CRTAC1: variants seen among roughly 807,000 people sequenced by gnomAD.
CRTAC1 encodes cartilage acidic protein 1.
Under a neutral mutation model 67.8 loss-of-function variants are expected in CRTAC1, and 37 were observed. The observed-to-expected ratio is 0.55, with a 90% CI of 0.42 to 0.72. CRTAC1 has a LOEUF of 0.72. CRTAC1 is among the 30% of genes least tolerant of loss of function. The pLI is 0.00. For missense variants in CRTAC1, 780 were observed against 931.6 expected (o/e 0.84, Z 2.12); for synonymous variants, 348 against 371.0 (o/e 0.94, Z 0.71).
At chr10:98,027,531 C>T (rs1018475631) in intron 1 of CRTAC1, among the ~76,000 whole-genome samples, 1 of 152,154 alleles carries the variant, frequency 6.6e-6, no homozygotes, top group African/African-American at 2.4e-5. Context: ...TCCAAGACCA[C>T]AGTGAGGGAC....
At chr10:97,991,125 A>AAAAAAAAAAAAAAG (rs1842446863) in intron 2 of CRTAC1, among the ~76,000 whole-genome samples, 1 of 136,286 alleles carries the variant, frequency 7.3e-6, no homozygotes, top group African/African-American at 3.4e-5. Flanking sequence ...AAAAAAAAAA[A>AAAAAAAAAAAAAAG]AAGATTATCT....
chr10:97,936,685 A>G (rs1306386229), intron 2 of CRTAC1, among the ~76,000 whole-genome samples: 1 of 152,168 alleles, frequency 6.6e-6, no homozygotes, highest in Non-Finnish European at 1.5e-5. Context: ...AAAACAAAGA[A>G]CTTCCTGATG....
At chr10:98,000,219 T>A (rs1054500346) in intron 2 of CRTAC1, among the ~76,000 whole-genome samples, 2 of 152,186 alleles carry the variant, frequency 1.3e-5, no homozygotes, top group Non-Finnish European at 2.9e-5. Flanking sequence ...AACATGCCCC[T>A]TGCTCTCTAT....
chr10:98,018,484 G>T (rs1047017252), intron 1 of CRTAC1, among the ~76,000 whole-genome samples: 11 of 152,156 alleles, frequency 7.2e-5, no homozygotes, highest in African/African-American at 2.4e-4. Context: ...GAGCTGAAAG[G>T]TGAGATAGTC....
intron 2 of CRTAC1, among the ~76,000 whole-genome samples, chr10:97,938,583 C>A (rs1033965084): frequency 6.6e-6 from 1 of 152,184 alleles, no homozygotes; most frequent in African/African-American, 2.4e-5. Context: ...GCCTATGATG[C>A]CAGCACTCTC....
rs940643647 is a variant in CRTAC1, at chr10:97,865,325, G to A, written c.*223C>T. On this transcript the variant is annotated 3_prime_UTR_variant, in exon 15 of 15. Transcript: ENST00000370597. ...TCATTAGACCCACTGGAATGTAAGC[G>A]CCATCAGGGCAGCGACCCTGTCTGC... 4.1e-5 allele frequency: 19 copies of A among 464,528 alleles called. No individual in the cohort carries two copies. The highest frequency in any genetic ancestry group is 1.4e-4 in the African/African-American group (7 of 51,408). The allele number at this position is 464,528 out of a possible 1,614,324, so 28.8% of individuals were successfully genotyped here.
chr10:97,959,648 C>A (rs555937616), intron 2 of CRTAC1, among the ~76,000 whole-genome samples: 3 of 152,316 alleles, frequency 2.0e-5, no homozygotes, highest in Admixed American at 1.3e-4. Flanking sequence ...CCCTGCCACT[C>A]GGCCATGTGG....
At chr10:98,003,474 G>A (rs758087880) in intron 2 of CRTAC1, among the ~76,000 whole-genome samples, 12 of 152,128 alleles carry the variant, frequency 7.9e-5, no homozygotes, top group East Asian at 1.9e-4. Context: ...CACATTCCTC[G>A]GCTCTTGGCC....
At chr10:98,027,206 C>T (rs1843253985) in intron 1 of CRTAC1, among the ~76,000 whole-genome samples, 1 of 151,702 alleles carries the variant, frequency 6.6e-6, no homozygotes, top group African/African-American at 2.4e-5. Flanking sequence ...CGCCCACAGG[C>T]CACTCAGCAA....
chr10:97,891,735 G>A (rs554439475), intron 11 of CRTAC1, among the ~76,000 whole-genome samples: 10 of 152,214 alleles, frequency 6.6e-5, no homozygotes, highest in South Asian at 6.2e-4. Flanking sequence ...CTCCACTGGC[G>A]CCCTCGCTCC....
At chr10:98,018,075 G>A (rs765506118) in intron 1 of CRTAC1, among the ~76,000 whole-genome samples, 15 of 151,298 alleles carry the variant, frequency 9.9e-5, no homozygotes, top group Admixed American at 3.3e-4. Context: ...AAGGGGCACC[G>A]CCTGTAATCC....
In CRTAC1 at chr10:97,896,996, A is replaced by T. The variant is rs2050470472; in HGVS notation, c.1134-5T>A. On this transcript the variant is annotated splice_polypyrimidine_tract_variant and splice_region_variant and intron_variant, in intron 8 of 14. Transcript: ENST00000370597. ...CCGTGCTCTCTACGGATGACGCTGC[A>T]GGAGAGGAGACAGGCTTGCTCTGGT... The T allele has an allele frequency of 1.3e-6, 2 of 1,553,256 alleles. No individual in the cohort carries two copies. Among genetic ancestry groups the T allele is most frequent in the South Asian group, 2.4e-5 (2 of 84,106 alleles).
intron 1 of CRTAC1, among the ~76,000 whole-genome samples, chr10:98,015,674 A>G (rs1433862174): frequency 5.3e-5 from 8 of 152,218 alleles, no homozygotes; most frequent in Non-Finnish European, 1.2e-4. Flanking sequence ...TGATTCTAAT[A>G]TGTTGCAAAA....
rs527515031 is a variant in CRTAC1 at position 98,015,060 on chromosome 10, G to A, written c.25-3723C>T. On this transcript the variant is annotated intron_variant, in intron 1 of 14. Transcript: ENST00000370597. ...AGAAGCATCCCAAGTGTCCATCAACGGTTGAATGGATAAACAAAATGTGAT... is the reference window on the plus strand; with the variant it reads ...AGAAGCATCCCAAGTGTCCATCAACAGTTGAATGGATAAACAAAATGTGAT... Among the ~76,000 whole-genome samples, 8 of 152,154 alleles carry A rather than the reference G, an allele frequency of 5.3e-5. No homozygotes were observed. In the East Asian group the frequency reaches 9.6e-4, roughly 18 times the overall value.
intron 2 of CRTAC1, among the ~76,000 whole-genome samples, chr10:97,949,946 C>T (rs926237499): frequency 6.6e-6 from 1 of 152,202 alleles, no homozygotes; most frequent in African/African-American, 2.4e-5. Flanking sequence ...TCCTTATATA[C>T]TCAGTGTCTG....
intron 2 of CRTAC1, among the ~76,000 whole-genome samples, chr10:97,940,683 C>T (rs1161660045): frequency 6.6e-6 from 1 of 152,212 alleles, no homozygotes; most frequent in African/African-American, 2.4e-5. Context: ...GGCCCTGCCA[C>T]CTCCTGGTCT....
At chr10:97,945,720 A>G (rs2051253271) in intron 2 of CRTAC1, among the ~76,000 whole-genome samples, 1 of 152,218 alleles carries the variant, frequency 6.6e-6, no homozygotes, top group African/African-American at 2.4e-5. Flanking sequence ...AGCTGGCCAG[A>G]GTGGAGAAGA....
chr10:97,897,084 C>T (rs890824084), intron 8 of CRTAC1, 93 bp from the exon 9 acceptor site: 7 of 920,234 alleles, frequency 7.6e-6, no homozygotes, highest in Admixed American at 4.7e-5. Flanking sequence ...TGAGCATCCC[C>T]GGGTCCCAAT....
chr10:98,024,746 CTTTTTTTTTTT>C lies in CRTAC1; in HGVS notation c.24+5692_24+5702del, dbSNP rs749919406. On this transcript the variant is annotated intron_variant, in intron 1 of 14. Transcript: ENST00000370597. ...CTCTAAAGAGAATGATTATATTATC[CTTTTTTTTTTT>C]TTTTTTTTTTTTTTTTTGCTCTAAG... Among the ~76,000 whole-genome samples, 305 of 65,048 alleles carry C rather than the reference CTTTTTTTTTTT, an allele frequency of 4.7e-3. 2 individuals carry two copies. The highest frequency in any genetic ancestry group is 0.015 in the African/African-American group (274 of 18,804). 42.7% of individuals were successfully genotyped at this position (65,048 alleles called of 152,430 possible). A position where few individuals can be genotyped will look rare whatever the true frequency, so the allele number is the denominator to read the frequency against.
Sources: allele counts gnomAD v4.1 joint callset (sites outside exome capture counted in the v4.1 genomes callset), GRCh38; gene constraint gnomAD v4.1.1; transcripts MANE v1.5; gene names NCBI Gene and HGNC (gene_info 2026-07-23, HGNC 2026-07-21).